KSR2: variants seen among roughly 807,000 people sequenced by gnomAD.
The protein encoded by KSR2 is kinase suppressor of ras 2.
A neutral mutation model predicts 107.8 loss-of-function variants in KSR2; 25 were observed. That is an observed-to-expected ratio of 0.23 (90% CI 0.17 to 0.32). KSR2 has a LOEUF of 0.32. KSR2 is among the 10% of genes least tolerant of loss of function. The probability of loss-of-function intolerance (pLI) is 1.00; values close to 1 mark genes in which losing one functional copy is unlikely to be tolerated. For synonymous variants in KSR2, 480 were observed against 507.0 expected (o/e 0.95, Z 0.71); for missense variants, 887 against 1,268.9 (o/e 0.70, Z 4.57).
At chr12:117,639,629 G>A (rs900179143) in intron 5 of KSR2, among the ~76,000 whole-genome samples, 1 of 137,878 alleles carries the variant, frequency 7.3e-6, no homozygotes, top group South Asian at 2.5e-4. Flanking sequence ...CGCACCCAGC[G>A]TATTATTATT....
intron 7 of KSR2, among the ~76,000 whole-genome samples, chr12:117,559,041 AGGAT>A (rs59506127): frequency 0.052 from 7,504 of 145,404 alleles, 482 homozygotes; most frequent in African/African-American, 0.15. Flanking sequence ...GATGGATGGA[AGGAT>A]GGATGGATGG....
chr12:117,771,377 A>G (rs1889445080), intron 3 of KSR2, among the ~76,000 whole-genome samples: 1 of 152,158 alleles, frequency 6.6e-6, no homozygotes, highest in Non-Finnish European at 1.5e-5. Context: ...ACCAATGTAC[A>G]TCTTACATAA....
chr12:117,773,279 G>A (rs977138795), intron 3 of KSR2, among the ~76,000 whole-genome samples: 1 of 152,164 alleles, frequency 6.6e-6, no homozygotes, highest in African/African-American at 2.4e-5. Context: ...TCTTGAAATG[G>A]GTGGGGAGAA....
intron 5 of KSR2, among the ~76,000 whole-genome samples, chr12:117,655,360 A>G (rs1193910129): frequency 6.6e-6 from 1 of 152,192 alleles, no homozygotes; most frequent in Non-Finnish European, 1.5e-5. Flanking sequence ...ATCATCCTGA[A>G]GCAGCTGGAT....
At chr12:117,534,205 AGAAG>A (rs1875866310) in intron 10 of KSR2, among the ~76,000 whole-genome samples, 1 of 152,148 alleles carries the variant, frequency 6.6e-6, no homozygotes, top group Non-Finnish European at 1.5e-5. Context: ...GTGGTCTTCT[AGAAG>A]GAAGGAAGAA....
chr12:117,892,158 C>T (rs983331477), intron 1 of KSR2, among the ~76,000 whole-genome samples: 3 of 151,890 alleles, frequency 2.0e-5, no homozygotes, highest in African/African-American at 4.8e-5. Context: ...AAGAAATTAG[C>T]TGGGTGTGAT....
At chr12:117,891,390 T>C (rs1894335964) in intron 1 of KSR2, among the ~76,000 whole-genome samples, 2 of 149,874 alleles carry the variant, frequency 1.3e-5, no homozygotes, top group South Asian at 4.3e-4. Context: ...CACTCCAGCC[T>C]GGACAACAAG....
At chr12:117,716,417 A>G (rs933445700) in intron 4 of KSR2, among the ~76,000 whole-genome samples, 2 of 152,232 alleles carry the variant, frequency 1.3e-5, no homozygotes, top group African/African-American at 4.8e-5. Context: ...GTCTGAATTG[A>G]GATGTACTCT....
intron 3 of KSR2, among the ~76,000 whole-genome samples, chr12:117,824,713 T>C (rs1264748021): frequency 1.3e-5 from 2 of 150,640 alleles, no homozygotes; most frequent in Non-Finnish European, 3.0e-5. Flanking sequence ...AAACATTAGC[T>C]GGGTGTGGTG....
At chr12:117,652,344 T>C (rs1883940290) in intron 5 of KSR2, among the ~76,000 whole-genome samples, 1 of 152,182 alleles carries the variant, frequency 6.6e-6, no homozygotes. Context: ...AAAAGAATAC[T>C]CTGACTCATG....
chr12:117,705,064 AGCTAG>A (rs1886469497), intron 4 of KSR2, among the ~76,000 whole-genome samples: 1 of 152,112 alleles, frequency 6.6e-6, no homozygotes, highest in African/African-American at 2.4e-5. Flanking sequence ...TATGACTATG[AGCTAG>A]GCAGGCCAGG....
intron 17 of KSR2, among the ~76,000 whole-genome samples, chr12:117,476,071 A>G (rs1871756651): frequency 6.6e-6 from 1 of 152,248 alleles, no homozygotes; most frequent in Non-Finnish European, 1.5e-5. Context: ...CAAATTCCTG[A>G]CCACAGAAAC....
At chr12:117,744,904 T>A (rs140159553) in intron 4 of KSR2, among the ~76,000 whole-genome samples, 112 of 152,252 alleles carry the variant, frequency 7.4e-4, no homozygotes, top group African/African-American at 2.6e-3. Context: ...ATTCACAGAT[T>A]CTGAATAACA....
intron 4 of KSR2, among the ~76,000 whole-genome samples, chr12:117,676,279 A>G (rs1885115328): frequency 6.6e-6 from 1 of 152,132 alleles, no homozygotes; most frequent in African/African-American, 2.4e-5. Context: ...CGTCCTGGCA[A>G]AAAAAAGGGG....
At chr12:117,915,747 T>C (rs774287173) in intron 1 of KSR2, among the ~76,000 whole-genome samples, 1 of 152,190 alleles carries the variant, frequency 6.6e-6, no homozygotes, top group Admixed American at 6.5e-5. Context: ...CACCTCCACC[T>C]TGAAGCCTTC....
intron 4 of KSR2, among the ~76,000 whole-genome samples, chr12:117,730,613 A>G (rs1323261982): frequency 6.6e-6 from 1 of 151,912 alleles, no homozygotes; most frequent in African/African-American, 2.4e-5. Flanking sequence ...TCCCTGCCTG[A>G]TTCTCCTGCC....
chr12:117,765,374 A>G (rs576941177), intron 3 of KSR2, among the ~76,000 whole-genome samples: 1 of 152,368 alleles, frequency 6.6e-6, no homozygotes, highest in African/African-American at 2.4e-5. Context: ...ATTGGGAACC[A>G]GAAGAACCCA....
chr12:117,802,815 C>T (rs867709779), intron 3 of KSR2, among the ~76,000 whole-genome samples: 4 of 152,200 alleles, frequency 2.6e-5, no homozygotes, highest in East Asian at 1.9e-4. Flanking sequence ...CAGGAGAGAG[C>T]GACATATTGA....
At chr12:117,690,477 A>G (rs1396614876) in intron 4 of KSR2, among the ~76,000 whole-genome samples, 1 of 152,152 alleles carries the variant, frequency 6.6e-6, no homozygotes, top group East Asian at 1.9e-4. Context: ...AGGCAGGAGA[A>G]TCGCTTAAAC....
Sources: gnomAD v4.1 joint callset for allele counts (sites outside exome capture counted in the v4.1 genomes callset) on GRCh38, gnomAD v4.1.1 for gene constraint, MANE v1.5 for transcripts, NCBI Gene and HGNC (gene_info 2026-07-23, HGNC 2026-07-21) for gene names.